ABTB3: variants seen among roughly 807,000 people sequenced by gnomAD.
ABTB3 encodes ankyrin repeat and BTB domain containing 3, also known as ankyrin repeat- and BTB/POZ domain-containing protein 3.
At chr12:107,391,990 C>T in the ABTB3 span, among the ~76,000 whole-genome samples, 1 of 152,350 alleles carries the variant, frequency 6.6e-6, no homozygotes, top group East Asian at 1.9e-4. Context: ...GGTTCTGCTG[C>T]TTGTTAGCTG....
At chr12:107,412,021 A>C in the ABTB3 span, among the ~76,000 whole-genome samples, 578 of 152,286 alleles carry the variant, frequency 3.8e-3, 6 homozygotes, top group African/African-American at 0.013. Context: ...GCCCCCAGCA[A>C]ACCCTGACTC....
chr12:107,360,522 C>T, the ABTB3 span, among the ~76,000 whole-genome samples: 1 of 152,172 alleles, frequency 6.6e-6, no homozygotes, highest in African/African-American at 2.4e-5. Flanking sequence ...ACCTCCCCTC[C>T]CCAGCCAGCA....
chr12:107,590,952 G>A, the ABTB3 span, among the ~76,000 whole-genome samples: 9 of 152,260 alleles, frequency 5.9e-5, no homozygotes, highest in East Asian at 5.8e-4. Flanking sequence ...TATTAATTAC[G>A]TGAGGACATT....
the ABTB3 span, among the ~76,000 whole-genome samples, chr12:107,602,119 G>A: frequency 6.6e-6 from 1 of 152,210 alleles, no homozygotes; most frequent in African/African-American, 2.4e-5. Flanking sequence ...AGGGCCACGA[G>A]CCTGGTAGGG....
the ABTB3 span, among the ~76,000 whole-genome samples, chr12:107,535,865 A>G: frequency 6.6e-6 from 1 of 152,246 alleles, no homozygotes; most frequent in South Asian, 2.1e-4. Flanking sequence ...CCTTATCAAA[A>G]CACCAATGAC....
the ABTB3 span, chr12:107,319,639 C>T: frequency 6.5e-7 from 1 of 1,536,938 alleles, no homozygotes; most frequent in South Asian, 1.2e-5. Context: ...ACGAGCACGC[C>T]GCCATCTACC....
the ABTB3 span, among the ~76,000 whole-genome samples, chr12:107,514,862 T>A: frequency 1.4e-3 from 209 of 152,288 alleles, 1 homozygote; most frequent in Non-Finnish European, 2.2e-3. Context: ...GAGAAATAAT[T>A]CCAAGGGAAA....
At chr12:107,485,259 G>A in the ABTB3 span, among the ~76,000 whole-genome samples, 2 of 151,990 alleles carry the variant, frequency 1.3e-5, no homozygotes, top group Non-Finnish European at 2.9e-5. Context: ...TTTTTCAGGA[G>A]ATTAAAAAAA....
the ABTB3 span, among the ~76,000 whole-genome samples, chr12:107,498,243 G>C: frequency 2.6e-5 from 4 of 152,220 alleles, no homozygotes; most frequent in Non-Finnish European, 4.4e-5. Context: ...GGGAGAAAAG[G>C]CAAAGGCCGA....
chr12:107,453,752 G>T, the ABTB3 span, among the ~76,000 whole-genome samples: 1 of 152,228 alleles, frequency 6.6e-6, no homozygotes, highest in Non-Finnish European at 1.5e-5. Context: ...CAGTGAAGAG[G>T]CTGTTGGAGC....
At chr12:107,339,866 GC>G in the ABTB3 span, among the ~76,000 whole-genome samples, 2 of 152,000 alleles carry the variant, frequency 1.3e-5, no homozygotes, top group East Asian at 1.9e-4. Flanking sequence ...ATCTATGGAG[GC>G]CCCATCCCAT....
the ABTB3 span, among the ~76,000 whole-genome samples, chr12:107,399,572 G>A: frequency 6.6e-6 from 1 of 152,240 alleles, no homozygotes; most frequent in Non-Finnish European, 1.5e-5. Context: ...AAGAATGAGT[G>A]GAATCACCTG....
the ABTB3 span, among the ~76,000 whole-genome samples, chr12:107,499,560 T>G: frequency 6.6e-6 from 1 of 152,144 alleles, no homozygotes; most frequent in Non-Finnish European, 1.5e-5. Context: ...ATGAAGAACA[T>G]TGTTTAATTG....
the ABTB3 span, among the ~76,000 whole-genome samples, chr12:107,477,155 G>A: frequency 6.6e-6 from 1 of 152,102 alleles, no homozygotes; most frequent in Non-Finnish European, 1.5e-5. Flanking sequence ...ATGCATTGGA[G>A]GATTACATAA....
At chr12:107,527,318 C>T in the ABTB3 span, among the ~76,000 whole-genome samples, 260 of 152,174 alleles carry the variant, frequency 1.7e-3, no homozygotes, top group African/African-American at 6.2e-3. Context: ...GTCTCCCAGG[C>T]TGGAGTGCAG....
At chr12:107,639,358 T>G in the ABTB3 span, among the ~76,000 whole-genome samples, 1 of 152,056 alleles carries the variant, frequency 6.6e-6, no homozygotes, top group Non-Finnish European at 1.5e-5. Flanking sequence ...GGGAGTGGCA[T>G]GATCAGAGCT....
chr12:107,527,188 C>T, the ABTB3 span, among the ~76,000 whole-genome samples: 1 of 152,106 alleles, frequency 6.6e-6, no homozygotes, highest in African/African-American at 2.4e-5. Flanking sequence ...CACTTGTTAC[C>T]ACCTGACATG....
chr12:107,520,622 G>A, the ABTB3 span: 8 of 1,614,172 alleles, frequency 5.0e-6, no homozygotes, highest in Non-Finnish European at 6.8e-6. Context: ...CGCGTAGGCA[G>A]CATCGCCGAA....
chr12:107,435,611 A>G, the ABTB3 span, among the ~76,000 whole-genome samples: 1 of 152,202 alleles, frequency 6.6e-6, no homozygotes, highest in Non-Finnish European at 1.5e-5. Flanking sequence ...GAATGAATGA[A>G]TGAGTACACA....
Sources: allele counts gnomAD v4.1 joint callset (sites outside exome capture counted in the v4.1 genomes callset), GRCh38; gene constraint gnomAD v4.1.1; transcripts MANE v1.5; gene names NCBI Gene and HGNC (gene_info 2026-07-23, HGNC 2026-07-21).